The following NELL2 variants were observed in gnomAD, a reference collection of about 807,000 sequenced individuals.
NELL2 encodes the protein neural EGFL like 2.
NELL2 carries 41 observed loss-of-function variants against 109.6 expected under a neutral mutation model. That is an observed-to-expected ratio of 0.37 (90% CI 0.29 to 0.49). The LOEUF (loss-of-function observed/expected upper bound fraction) is 0.49, where lower values mean the gene tolerates loss of function less well. Among genes scored for constraint, NELL2 ranks in the 20% least tolerant of loss-of-function variants. NELL2 has a pLI of 0.98. For synonymous variants in NELL2, 355 were observed against 344.7 expected, an observed-to-expected ratio of 1.03 and a Z score of -0.33; for missense variants, 900 against 1,008.3, an observed-to-expected ratio of 0.89 and a Z score of 1.45.
At chr12:44,786,460 C>G (rs1444049276) in intron 3 of NELL2, among the ~76,000 whole-genome samples, 1 of 152,156 alleles carries the variant, frequency 6.6e-6, no homozygotes, top group Non-Finnish European at 1.5e-5. Context: ...TTGTGGAAGA[C>G]AGTGTGGCAA....
intron 9 of NELL2, among the ~76,000 whole-genome samples, chr12:44,745,865 A>G (rs2136512957): frequency 6.6e-6 from 1 of 152,088 alleles, no homozygotes. Flanking sequence ...GAAAATGGCC[A>G]CACTGCCAAA....
At chr12:44,694,446 C>A (rs655191) in intron 12 of NELL2, among the ~76,000 whole-genome samples, 43,070 of 151,214 alleles carry the variant, frequency 0.28, 6,364 homozygotes, top group East Asian at 0.49. Flanking sequence ...GACCTGACAA[C>A]CTCCATAATC....
intron 15 of NELL2, among the ~76,000 whole-genome samples, chr12:44,578,911 CTCTT>C (rs545626278): frequency 5.4e-4 from 82 of 152,286 alleles, no homozygotes; most frequent in African/African-American, 2.0e-3. Context: ...TTCTCTGTCT[CTCTT>C]AGGTTCAATC....
At chr12:44,588,239 G>A (rs188047416) in intron 15 of NELL2, among the ~76,000 whole-genome samples, 79 of 152,132 alleles carry the variant, frequency 5.2e-4, no homozygotes, top group African/African-American at 1.8e-3. Flanking sequence ...AAATGAAATG[G>A]AACATAGCAC....
chr12:44,571,717 T>C (rs914029427), intron 15 of NELL2, among the ~76,000 whole-genome samples: 1 of 152,242 alleles, frequency 6.6e-6, no homozygotes, highest in African/African-American at 2.4e-5. Context: ...ATATGTGCAA[T>C]ATGAGAAGTT....
At chr12:44,808,055 C>T (rs1943060497) in intron 3 of NELL2, among the ~76,000 whole-genome samples, 1 of 152,026 alleles carries the variant, frequency 6.6e-6, no homozygotes. Flanking sequence ...ATTCTTGGTC[C>T]TCTGCATCCC....
At chr12:44,609,232 G>C (rs540010590) in intron 14 of NELL2, among the ~76,000 whole-genome samples, 1 of 151,910 alleles carries the variant, frequency 6.6e-6, no homozygotes, top group African/African-American at 2.4e-5. Flanking sequence ...TTACAGGTGT[G>C]AGCCACCAAG....
intron 15 of NELL2, among the ~76,000 whole-genome samples, chr12:44,565,656 C>CCTTGACG (rs1388174385): frequency 6.6e-6 from 1 of 152,054 alleles, no homozygotes; most frequent in African/African-American, 2.4e-5. Flanking sequence ...CCAATGTCTG[C>CCTTGACG]CTTGACGCTT....
At chr12:44,787,351 G>A (rs1942216642) in intron 3 of NELL2, among the ~76,000 whole-genome samples, 1 of 152,138 alleles carries the variant, frequency 6.6e-6, no homozygotes, top group Admixed American at 6.5e-5. Context: ...TCTCCCCAGT[G>A]TGATATAAAT....
At chr12:44,864,961 G>C (rs902899046) in intron 2 of NELL2, among the ~76,000 whole-genome samples, 4 of 145,634 alleles carry the variant, frequency 2.7e-5, no homozygotes, top group South Asian at 2.3e-4. Flanking sequence ...TTCCACAATG[G>C]TTGAACTAGT....
intron 3 of NELL2, among the ~76,000 whole-genome samples, chr12:44,784,591 A>G (rs886148187): frequency 2.6e-5 from 4 of 152,180 alleles, no homozygotes; most frequent in African/African-American, 4.8e-5. Flanking sequence ...AGAAAATTTC[A>G]GGCCAATATC....
At chr12:44,801,131 G>A (rs949863643) in intron 3 of NELL2, among the ~76,000 whole-genome samples, 4 of 152,032 alleles carry the variant, frequency 2.6e-5, no homozygotes, top group African/African-American at 9.7e-5. Flanking sequence ...TTATAGAAAC[G>A]CCAAAATGCT....
At chr12:44,528,485 A>G (rs914024040) in intron 16 of NELL2, among the ~76,000 whole-genome samples, 33 of 152,344 alleles carry the variant, frequency 2.2e-4, no homozygotes, top group Admixed American at 1.7e-3. Context: ...TGTCATACTA[A>G]TATCTACATT....
At chr12:44,808,438 G>A (rs962967721) in intron 3 of NELL2, among the ~76,000 whole-genome samples, 35 of 151,868 alleles carry the variant, frequency 2.3e-4, no homozygotes, top group African/African-American at 6.8e-4. Flanking sequence ...TAATAATAAG[G>A]GAGGTATTAA....
chr12:44,751,307 G>T (rs1191102646), intron 9 of NELL2, among the ~76,000 whole-genome samples: 1 of 152,102 alleles, frequency 6.6e-6, no homozygotes, highest in Non-Finnish European at 1.5e-5. Flanking sequence ...TCCGTTAAAT[G>T]ATATTTTGTT....
chr12:44,571,554 T>C (rs192121378), intron 15 of NELL2, among the ~76,000 whole-genome samples: 2 of 152,230 alleles, frequency 1.3e-5, no homozygotes, highest in Admixed American at 6.5e-5. Context: ...CATTAGGGAG[T>C]CTCCAGTCTT....
chr12:44,889,445 T>A (rs1301179906), intron 1 of NELL2, among the ~76,000 whole-genome samples: 1 of 151,970 alleles, frequency 6.6e-6, no homozygotes, highest in Non-Finnish European at 1.5e-5. Flanking sequence ...ACAAGCAGAG[T>A]GAGCATTGGC....
intron 2 of NELL2, among the ~76,000 whole-genome samples, chr12:44,820,796 T>C (rs978723321): frequency 3.5e-4 from 53 of 152,016 alleles, no homozygotes; most frequent in African/African-American, 1.2e-3. Flanking sequence ...GTTTTAGAAA[T>C]AGTGATTTTA....
intron 12 of NELL2, among the ~76,000 whole-genome samples, chr12:44,691,783 G>A (rs535443184): frequency 4.9e-4 from 74 of 152,258 alleles, no homozygotes; most frequent in African/African-American, 1.8e-3. Flanking sequence ...ACATTCCCTT[G>A]AGCCAAAGCC....
Sources: allele counts gnomAD v4.1 joint callset (sites outside exome capture counted in the v4.1 genomes callset), GRCh38; gene constraint gnomAD v4.1.1; transcripts MANE v1.5; gene names NCBI Gene and HGNC (gene_info 2026-07-23, HGNC 2026-07-21).